FSIP1: variants seen among roughly 807,000 people sequenced by gnomAD.
The protein encoded by FSIP1 is fibrous sheath interacting protein 1, also known as fibrous sheath-interacting protein 1.
A neutral mutation model predicts 60.9 loss-of-function variants in FSIP1; 65 were observed. That is an observed-to-expected ratio of 1.07 (90% CI 0.87 to 1.31). The LOEUF is 1.31. Among genes scored for constraint, FSIP1 ranks in the 40% most tolerant of loss-of-function variants. FSIP1 has a pLI of 0.00. For missense variants in FSIP1, 675 were observed against 665.5 expected, an observed-to-expected ratio of 1.01 and a Z score of -0.16; for synonymous variants, 209 against 221.2, an observed-to-expected ratio of 0.94 and a Z score of 0.49.
At chr15:39,701,385 T>C (rs935217782) in intron 10 of FSIP1, among the ~76,000 whole-genome samples, 1 of 152,208 alleles carries the variant, frequency 6.6e-6, no homozygotes, top group Admixed American at 6.5e-5. Flanking sequence ...GTGATTATAA[T>C]GTATCTCTTT....
intron 1 of FSIP1, among the ~76,000 whole-genome samples, chr15:39,777,176 C>T (rs1435430525): frequency 6.6e-6 from 1 of 151,956 alleles, no homozygotes; most frequent in Non-Finnish European, 1.5e-5. Context: ...TCAGGTGATC[C>T]GCCCACCTCG....
At chr15:39,737,945 T>C (rs1234370360) in intron 8 of FSIP1, 146 bp downstream of exon 8, 5 of 545,260 alleles carry the variant, frequency 9.2e-6, no homozygotes, top group Non-Finnish European at 1.6e-5. Flanking sequence ...TCTGTTCCTG[T>C]GTTAGTAAAA....
chr15:39,617,789 G>C lies in FSIP1; in HGVS notation c.1645C>G (p.Leu549Val). The stretch of plus-strand genomic sequence containing the variant: ...TTCAGATGTTGGTCTTCTGATGAAA[G>C]GCTCACACTGATACCATACAGTGGA... ...DDPLYGISVS[L>V]SSEDQHLKLS... The change falls in exon 11 of 12, where the codon CTT becomes GTT. Residue 549 changes from leucine (L) to valine (V), a missense_variant. Physicochemically the swap from Leu to Val is conservative, Grantham distance 32. Coordinates refer to ENST00000350221, the MANE Select transcript of FSIP1 (RefSeq NM_152597.5). The C allele has an allele frequency of 6.2e-7, 1 of 1,613,998 alleles. No individual in the cohort carries two copies. Among genetic ancestry groups the C allele is most frequent in the Non-Finnish European group, 8.5e-7 (1 of 1,179,936 alleles).
rs143156838 is a variant in FSIP1 at position 39,633,310 on chromosome 15, G to C, written c.1189-15065C>G. Among the ~76,000 whole-genome samples, 26 of 152,012 alleles carry C rather than the reference G, an allele frequency of 1.7e-4. 1 individual carries two copies. In the East Asian group the frequency reaches 5.0e-3, roughly 29 times the overall value. ...TCACCATGTTGGCCAGGATGGTCTC[G>C]ATCTCCTCACCTCGCAATCTGCCTG... On this transcript the variant is annotated intron_variant, in intron 10 of 11. Transcript: ENST00000350221.
At chr15:39,697,586 C>A (rs1894871815) in intron 10 of FSIP1, among the ~76,000 whole-genome samples, 1 of 152,204 alleles carries the variant, frequency 6.6e-6, no homozygotes, top group Non-Finnish European at 1.5e-5. Context: ...ACACTCTGCC[C>A]TGTGCTTCCC....
downstream of FSIP1, chr15:39,599,117 G>C (rs1595518111): frequency 6.6e-6 from 1 of 152,200 alleles, no homozygotes; most frequent in Middle Eastern, 3.4e-3. Context: ...TAAAGACGGG[G>C]TTTCACCTTG....
intron 1 of FSIP1, among the ~76,000 whole-genome samples, chr15:39,780,474 G>A (rs1420462171): frequency 2.6e-5 from 4 of 152,158 alleles, no homozygotes; most frequent in South Asian, 2.1e-4. Context: ...GCAGTGAGCC[G>A]AGATTGCACC....
intron 10 of FSIP1, among the ~76,000 whole-genome samples, chr15:39,646,144 C>G (rs1256863228): frequency 6.6e-6 from 1 of 152,146 alleles, no homozygotes; most frequent in East Asian, 1.9e-4. Flanking sequence ...AGAAGACTAC[C>G]CTGTCTGCTG....
At chr15:39,744,183 G>A (rs1052589487) in intron 5 of FSIP1, among the ~76,000 whole-genome samples, 3 of 152,160 alleles carry the variant, frequency 2.0e-5, no homozygotes, top group Non-Finnish European at 4.4e-5. Context: ...GAGAGTATTT[G>A]AGAATCCTTT....
At chr15:39,687,166 G>GTTTTTTTTTTTTTTTTTTTTTTTTT (rs1894413745) in intron 10 of FSIP1, among the ~76,000 whole-genome samples, 1 of 11,142 alleles carries the variant, frequency 9.0e-5, no homozygotes, top group Non-Finnish European at 1.9e-4. Flanking sequence ...TTTTTTTTTT[G>GTTTTTTTTTTTTTTTTTTTTTTTTT]AGACAGAGTT....
intron 8 of FSIP1, among the ~76,000 whole-genome samples, chr15:39,732,212 G>A (rs1026413688): frequency 2.0e-5 from 3 of 152,158 alleles, no homozygotes; most frequent in Non-Finnish European, 2.9e-5. Context: ...GGTAATGCTC[G>A]CTAGCCCACC....
chr15:39,745,389 G>A (rs774151431), intron 5 of FSIP1, among the ~76,000 whole-genome samples: 16 of 151,814 alleles, frequency 1.1e-4, no homozygotes, highest in African/African-American at 2.2e-4. Flanking sequence ...GCACATTTCC[G>A]GAAACAAAAA....
chr15:39,738,066 G>C (rs1193502633), intron 8 of FSIP1, 25 bp downstream of exon 8: 1 of 1,231,698 alleles, frequency 8.1e-7, no homozygotes, highest in African/African-American at 1.5e-5. Flanking sequence ...AAGAAGTGTA[G>C]TGTTCCCTAT....
At chr15:39,647,286 T>C (rs1216133456) in intron 10 of FSIP1, among the ~76,000 whole-genome samples, 1 of 152,214 alleles carries the variant, frequency 6.6e-6, no homozygotes, top group African/African-American at 2.4e-5. Flanking sequence ...AGAGGGTAAC[T>C]ATGTGAAATG....
chr15:39,623,580 T>C (rs898591844), intron 10 of FSIP1, among the ~76,000 whole-genome samples: 6 of 152,152 alleles, frequency 3.9e-5, no homozygotes, highest in African/African-American at 1.2e-4. Context: ...AGTTTATAGC[T>C]CTCTATTGCA....
intron 6 of FSIP1, among the ~76,000 whole-genome samples, chr15:39,740,090 A>G: frequency 6.6e-6 from 1 of 152,252 alleles, no homozygotes; most frequent in East Asian, 1.9e-4. Context: ...TTCAAGACAG[A>G]CATGAGAAGA....
chr15:39,745,992 T>C (rs1408459402), intron 5 of FSIP1, among the ~76,000 whole-genome samples: 1 of 151,904 alleles, frequency 6.6e-6, no homozygotes, highest in Non-Finnish European at 1.5e-5. Flanking sequence ...GGTGGGAGGA[T>C]CCCTTGAGCC....
At chr15:39,625,627 C>T (rs1199770740) in intron 10 of FSIP1, among the ~76,000 whole-genome samples, 1 of 152,164 alleles carries the variant, frequency 6.6e-6, no homozygotes, top group Non-Finnish European at 1.5e-5. Flanking sequence ...CTGAGCAAGT[C>T]GCCGGAATGG....
At chr15:39,611,560 T>C (rs1334523045) in intron 11 of FSIP1, among the ~76,000 whole-genome samples, 1 of 152,118 alleles carries the variant, frequency 6.6e-6, no homozygotes, top group Non-Finnish European at 1.5e-5. Flanking sequence ...CAGAAAATTA[T>C]CAAACCACAA....
Sources: gnomAD v4.1 joint callset for allele counts (sites outside exome capture counted in the v4.1 genomes callset) on GRCh38, gnomAD v4.1.1 for gene constraint, MANE v1.5 for transcripts, NCBI Gene and HGNC (gene_info 2026-07-23, HGNC 2026-07-21) for gene names.